Variants in JPH3 observed in about 807,000 individuals in gnomAD.
JPH3 encodes junctophilin 3.
Under a neutral mutation model 59.6 loss-of-function variants are expected in JPH3, and 11 were observed. The ratio of observed to expected loss-of-function variants is 0.18; its 90% CI spans 0.12 to 0.31. The LOEUF (loss-of-function observed/expected upper bound fraction) is 0.31, where lower values mean the gene tolerates loss of function less well. Among genes scored for constraint, JPH3 ranks in the 10% least tolerant of loss-of-function variants. The probability of loss-of-function intolerance (pLI) is 1.00; values close to 1 mark genes in which losing one functional copy is unlikely to be tolerated. For synonymous variants in JPH3, 673 were observed against 483.6 expected, an observed-to-expected ratio of 1.39 and a Z score of -5.14; for missense variants, 1,202 against 1,105.7, an observed-to-expected ratio of 1.09 and a Z score of -1.24.
intron 1 of JPH3, chr16:87,604,681 A>T: frequency 1.7e-6 from 2 of 1,147,930 alleles, no homozygotes; most frequent in Non-Finnish European, 2.2e-6. Context: ...TCATGAAGAA[A>T]GCTCGGAACA....
chr16:87,688,606 G>A (rs2033476163), intron 3 of JPH3, among the ~76,000 whole-genome samples: 1 of 152,130 alleles, frequency 6.6e-6, no homozygotes. Context: ...TCATGAGGTG[G>A]CCGCCCCGGG....
chr16:87,617,117 G>A (rs544614030), intron 1 of JPH3, among the ~76,000 whole-genome samples: 5 of 147,744 alleles, frequency 3.4e-5, no homozygotes, highest in South Asian at 2.1e-4. Flanking sequence ...ACAGCTACTC[G>A]GAGGCTGAGG....
chr16:87,658,713 C>A (rs534941777), intron 2 of JPH3, among the ~76,000 whole-genome samples: 69 of 152,292 alleles, frequency 4.5e-4, no homozygotes, highest in Non-Finnish European at 7.6e-4. Context: ...ACTCACCCCC[C>A]TGCAGTGGGT....
At chr16:87,684,007 T>G (rs2033356513) in intron 2 of JPH3, 135 bp from the exon 3 acceptor site, 3 of 636,122 alleles carry the variant, frequency 4.7e-6, no homozygotes, top group African/African-American at 1.8e-5. Context: ...GATCCAGAAG[T>G]CTGAGGGTAA....
At position 87,690,028 on chromosome 16, in the gene JPH3, C is replaced by T. The variant is rs779526331; in HGVS notation, c.1668C>T (p.Phe556=). 6.5e-7 allele frequency: 1 copy of T among 1,540,660 alleles called. No individual in the cohort carries two copies. Among genetic ancestry groups the T allele is most frequent in the Non-Finnish European group, 8.8e-7 (1 of 1,142,470 alleles). ...ALRGGLLVDD[F]RTRGSGRKQP... Reference sequence around the variant, plus strand: ...GCGGCGGCCTGCTCGTGGATGACTTCCGCACCCGAGGTTCGGGCCGCAAGC... The same window carrying T: ...GCGGCGGCCTGCTCGTGGATGACTTTCGCACCCGAGGTTCGGGCCGCAAGC... Residue 556 remains phenylalanine, a synonymous_variant, in exon 4 of 5, where the codon TTC becomes TTT. Transcript: ENST00000284262.
intron 1 of JPH3, among the ~76,000 whole-genome samples, 165 bp from the exon 2 acceptor site, chr16:87,644,093 G>A (rs1439164891): frequency 6.6e-6 from 1 of 152,210 alleles, no homozygotes; most frequent in African/African-American, 2.4e-5. Context: ...AGCTGTGATG[G>A]TCTCACTGCA....
In JPH3 at chr16:87,602,653, C is replaced by T. The variant is rs1457549228; in HGVS notation, c.-494C>T. On this transcript the variant is annotated 5_prime_UTR_variant, in exon 1 of 5. Coordinates refer to ENST00000284262, the MANE Select transcript of JPH3 (RefSeq NM_020655.4). ...TATGGTGCAGCCGCCAGCGCCGCCG[C>T]CCGTGCCGCCGCCGCCGCCCGCGGG... is the stretch of plus-strand genomic sequence containing the variant. Among the ~76,000 whole-genome samples, 8 of 140,538 alleles carry T rather than the reference C, an allele frequency of 5.7e-5. No homozygotes were observed. Among genetic ancestry groups the T allele is most frequent in the African/African-American group, 2.0e-4 (8 of 39,420 alleles). 92.2% of individuals were successfully genotyped at this position (140,538 alleles called of 152,430 possible).
At chr16:87,624,059 G>A (rs2031283311) in intron 1 of JPH3, among the ~76,000 whole-genome samples, 1 of 152,234 alleles carries the variant, frequency 6.6e-6, no homozygotes, top group Non-Finnish European at 1.5e-5. Flanking sequence ...AGCCTCCAGA[G>A]GCCAGGTTGT....
chr16:87,653,662 C>G (rs117760708), intron 2 of JPH3: 5 of 152,238 alleles, frequency 3.3e-5, no homozygotes, highest in Non-Finnish European at 7.3e-5. Flanking sequence ...GGAGGTAGCA[C>G]AGTTCTCATC....
At chr16:87,638,237 T>A (rs1488933430) in intron 1 of JPH3, among the ~76,000 whole-genome samples, 5 of 152,220 alleles carry the variant, frequency 3.3e-5, no homozygotes, top group African/African-American at 1.2e-4. Context: ...AAATTTTAAT[T>A]TTTAATGAGA....
At chr16:87,666,872 C>G (rs566676227) in intron 2 of JPH3, among the ~76,000 whole-genome samples, 1 of 152,250 alleles carries the variant, frequency 6.6e-6, no homozygotes, top group Non-Finnish European at 1.5e-5. Context: ...GCCTCGTCAC[C>G]GAGTGGGAGC....
rs181800089 is a variant in JPH3 at position 87,674,093 on chromosome 16, C to T, written c.1161-10049C>T. 1.4e-3 allele frequency among the ~76,000 whole-genome samples: 216 copies of T among 150,816 alleles called. 4 individuals carry two copies. The highest frequency in any genetic ancestry group is 5.1e-3 in the African/African-American group (209 of 41,236). ...CTCACGCCTGTAATCCCAACACTTT[C>T]GGAGGCCGAGGCAGGTGGATCACGA... On this transcript the variant is annotated intron_variant, in intron 2 of 4. Coordinates refer to ENST00000284262, the MANE Select transcript of JPH3 (RefSeq NM_020655.4).
intron 2 of JPH3, among the ~76,000 whole-genome samples, chr16:87,649,021 A>G (rs2032244480): frequency 6.6e-6 from 1 of 152,122 alleles, no homozygotes; most frequent in African/African-American, 2.4e-5. Context: ...CAGCCACAAC[A>G]CGGGTCGGAG....
intron 3 of JPH3, 48 bp from the exon 4 acceptor site, chr16:87,689,598 G>C (rs1160847204): frequency 1.9e-6 from 3 of 1,590,698 alleles, no homozygotes; most frequent in Non-Finnish European, 1.7e-6. Context: ...CCTCGCTGTG[G>C]AATGTGCTGG....
chr16:87,666,642 G>C (rs1040254089), intron 2 of JPH3, among the ~76,000 whole-genome samples: 1 of 152,196 alleles, frequency 6.6e-6, no homozygotes, highest in African/African-American at 2.4e-5. Context: ...AAGCCAGAGA[G>C]GGGCTGGCCT....
intron 4 of JPH3, chr16:87,693,847 T>C (rs927750626): frequency 6.6e-6 from 1 of 152,192 alleles, no homozygotes; most frequent in Admixed American, 6.5e-5. Flanking sequence ...GTCTGGATGT[T>C]TCTCTCACGT....
intron 2 of JPH3, among the ~76,000 whole-genome samples, chr16:87,656,544 C>G (rs2032508103): frequency 6.6e-6 from 1 of 152,204 alleles, no homozygotes; most frequent in Admixed American, 6.5e-5. Context: ...GCCCAGTTTC[C>G]AGGCTTGATC....
At chr16:87,694,775 A>G (rs1409189225) in intron 4 of JPH3, 5 of 177,340 alleles carry the variant, frequency 2.8e-5, no homozygotes, top group African/African-American at 1.2e-4. Flanking sequence ...GATCAGCTCC[A>G]TCACCTTAAA....
chr16:87,677,433 C>T (rs183738797), intron 2 of JPH3, among the ~76,000 whole-genome samples: 3 of 152,224 alleles, frequency 2.0e-5, no homozygotes. Flanking sequence ...AAAAAAAACT[C>T]GCCCACCAGG....
Sources: allele counts gnomAD v4.1 joint callset (sites outside exome capture counted in the v4.1 genomes callset), GRCh38; gene constraint gnomAD v4.1.1; transcripts MANE v1.5; gene names NCBI Gene and HGNC (gene_info 2026-07-23, HGNC 2026-07-21).